The following HMGXB4 variants were observed in gnomAD, a reference collection of about 807,000 sequenced individuals.
HMGXB4 encodes the protein HMG domain-containing protein 4.
A neutral mutation model predicts 63.9 loss-of-function variants in HMGXB4; 27 were observed. The ratio of observed to expected loss-of-function variants is 0.42; its 90% CI spans 0.31 to 0.58. The LOEUF (loss-of-function observed/expected upper bound fraction) is 0.58, where lower values mean the gene tolerates loss of function less well. HMGXB4 is among the 20% of genes least tolerant of loss of function. The probability of loss-of-function intolerance (pLI) is 0.13; values close to 1 mark genes in which losing one functional copy is unlikely to be tolerated. For missense variants in HMGXB4, 624 were observed against 700.7 expected (o/e 0.89, Z 1.24); for synonymous variants, 264 against 265.3 (o/e 0.99, Z 0.05).
intron 4 of HMGXB4, 25 bp downstream of exon 4, chr22:35,263,899 T>C: frequency 6.2e-7 from 1 of 1,606,216 alleles, no homozygotes; most frequent in South Asian, 1.1e-5. Flanking sequence ...GGGCAACAGG[T>C]GGGATAAACA....
upstream of HMGXB4, among the ~76,000 whole-genome samples, chr22:35,256,760 C>T (rs1210672311): frequency 1.3e-5 from 2 of 152,182 alleles, no homozygotes; most frequent in African/African-American, 2.4e-5. Context: ...CTCAGCCTCC[C>T]AAAGTGCTGG....
At chr22:35,293,422 G>A in intron 10 of HMGXB4, among the ~76,000 whole-genome samples, 185 bp from the exon 11 acceptor site, 1 of 152,120 alleles carries the variant, frequency 6.6e-6, no homozygotes, top group South Asian at 2.1e-4. Context: ...TCTTTTTTAC[G>A]AGGATTAATG....
At chr22:35,292,116 C>G (rs984805154) in intron 9 of HMGXB4, among the ~76,000 whole-genome samples, 2 of 152,280 alleles carry the variant, frequency 1.3e-5, no homozygotes, top group Admixed American at 1.3e-4. Context: ...GCCAGAAATG[C>G]AGTTTTGAAG....
At chr22:35,248,805 C>T in the HMGXB4 span, among the ~76,000 whole-genome samples, 2,634 of 152,240 alleles carry the variant, frequency 0.017, 33 homozygotes, top group Non-Finnish European at 0.026. Context: ...AAGGATCCCC[C>T]CCCATGATCC....
At chr22:35,282,784 C>CTT (rs947882426) in intron 5 of HMGXB4, among the ~76,000 whole-genome samples, 5 of 152,132 alleles carry the variant, frequency 3.3e-5, no homozygotes, top group African/African-American at 1.2e-4. Context: ...TACAGTTTCT[C>CTT]TGACTTTATT....
rs1393876406 is a variant in HMGXB4 at position 35,265,514 on chromosome 22, C to G, written c.1126C>G (p.Leu376Val). 1 of 1,613,810 alleles carries G rather than the reference C, an allele frequency of 6.2e-7. No homozygotes were observed. Among genetic ancestry groups the G allele is most frequent in the Non-Finnish European group, 8.5e-7 (1 of 1,179,966 alleles). The change falls in exon 5 of 11, where the codon CTG becomes GTG. Residue 376 changes from leucine to valine, a missense_variant. Physicochemically the swap from Leu to Val is conservative, Grantham distance 32 (BLOSUM62 1). This residue lies in a region of HMGXB4 where 472 missense variants were observed against 470.6 expected (regional missense o/e 1.00). Coordinates refer to ENST00000216106, the MANE Select transcript of HMGXB4 (RefSeq NM_001003681.3). ...IPYAGAAAPP[L>V]PLPGLHTDGH... ...ATACGCTGGAGCAGCAGCACCTCCC[C>G]TGCCACTTCCTGGCCTCCACACAGA...
chr22:35,247,562 C>G, the HMGXB4 span, among the ~76,000 whole-genome samples: 1 of 152,176 alleles, frequency 6.6e-6, no homozygotes, highest in Non-Finnish European at 1.5e-5. Flanking sequence ...AAACTCCCCA[C>G]TCCATCTCCT....
chr22:35,243,362 C>T, the HMGXB4 span, among the ~76,000 whole-genome samples: 1 of 151,922 alleles, frequency 6.6e-6, no homozygotes, highest in Non-Finnish European at 1.5e-5. Flanking sequence ...AAGAAAGAAA[C>T]TCAGTCTAAA....
At chr22:35,251,416 C>T in the HMGXB4 span, among the ~76,000 whole-genome samples, 15 of 152,202 alleles carry the variant, frequency 9.9e-5, no homozygotes, top group Admixed American at 3.9e-4. Flanking sequence ...CATCTGCCTC[C>T]TCTGAGTCCC....
chr22:35,293,588 A>G lies in HMGXB4; in HGVS notation c.1762-19A>G. The stretch of plus-strand genomic sequence containing the variant: ...AAGGTACAGTACTCTTCAGTTGAAC[A>G]TTTTTCTTTGTTTTGCAGTCAAACA... On this transcript the variant is annotated intron_variant, in intron 10 of 10. Transcript: ENST00000216106. 1.3e-6 allele frequency: 2 copies of G among 1,591,030 alleles called. No homozygotes were observed. Among genetic ancestry groups the G allele is most frequent in the Non-Finnish European group, 1.7e-6 (2 of 1,159,214 alleles).
Position 35,293,636 on chromosome 22 carries a change from C to G in HMGXB4, c.1791C>G (p.Ile597Met), listed in dbSNP as rs1461161482. 2 of 1,611,742 alleles carry G rather than the reference C, an allele frequency of 1.2e-6. No homozygotes were observed. Among genetic ancestry groups the G allele is most frequent in the Non-Finnish European group, 1.7e-6 (2 of 1,177,910 alleles). ...ACACATTAGACAACATTGCTTACAT[C>G]ATGCCGGGACTGTGACAGCAAAGAA... is the stretch of plus-strand genomic sequence containing the variant. ...LSNTLDNIAYIMPGL is the reference protein window; with the variant it reads ...LSNTLDNIAYMMPGL Residue 597 changes from isoleucine (I) to methionine (M), a missense_variant, in exon 11 of 11, where the codon ATC (isoleucine) becomes ATG (methionine). Ile to Met is a conservative substitution (Grantham distance 10). Transcript: ENST00000216106.
upstream of HMGXB4, among the ~76,000 whole-genome samples, chr22:35,253,819 T>C (rs1314258667): frequency 3.9e-5 from 6 of 152,164 alleles, no homozygotes; most frequent in Admixed American, 3.3e-4. Flanking sequence ...TCTCTGGCTC[T>C]GAGTAGTTTT....
intron 6 of HMGXB4, among the ~76,000 whole-genome samples, 167 bp from the exon 7 acceptor site, chr22:35,285,829 GA>G (rs953408274): frequency 4.9e-4 from 75 of 152,272 alleles, no homozygotes; most frequent in African/African-American, 1.4e-3. Flanking sequence ...CTTCCCTATA[GA>G]AAAAAATCAA....
chr22:35,272,008 A>G (rs988687615), intron 5 of HMGXB4, among the ~76,000 whole-genome samples: 5 of 152,232 alleles, frequency 3.3e-5, no homozygotes, highest in African/African-American at 9.6e-5. Context: ...TCTCAGTGGC[A>G]ATGGAAGTTC....
chr22:35,281,436 T>C (rs1924239193), intron 5 of HMGXB4, among the ~76,000 whole-genome samples: 1 of 152,182 alleles, frequency 6.6e-6, no homozygotes, highest in Non-Finnish European at 1.5e-5. Context: ...TTTATAAGAG[T>C]TATGAAGGAA....
At chr22:35,282,786 G>A (rs1185720563) in intron 5 of HMGXB4, among the ~76,000 whole-genome samples, 1 of 152,028 alleles carries the variant, frequency 6.6e-6, no homozygotes, top group Non-Finnish European at 1.5e-5. Context: ...CAGTTTCTCT[G>A]ACTTTATTTT....
rs1925192662 is a variant in HMGXB4, at chr22:35,295,202, T to G, written c.*1551T>G. On this transcript the variant is annotated 3_prime_UTR_variant, in exon 11 of 11. Transcript: ENST00000216106. Reference sequence around the variant, plus strand: ...TTGGGGACAGTGTAGCCCATCTGCATCCTATTTAATTTCTTCCCTTCTCCC... The same window carrying G: ...TTGGGGACAGTGTAGCCCATCTGCAGCCTATTTAATTTCTTCCCTTCTCCC... The G allele has an allele frequency of 6.6e-6, 1 of 152,264 alleles. No homozygotes were observed. The highest frequency in any genetic ancestry group is 2.1e-4 in the South Asian group (1 of 4,830). 9.4% of individuals were successfully genotyped at this position (152,264 alleles called of 1,614,324 possible).
chr22:35,291,292 G>A (rs1332367031), intron 9 of HMGXB4, among the ~76,000 whole-genome samples: 1 of 149,240 alleles, frequency 6.7e-6, no homozygotes, highest in Non-Finnish European at 1.5e-5. Context: ...AAAATTGTGC[G>A]TGTGTGTGGC....
intron 4 of HMGXB4, chr22:35,264,184 C>G (rs1923045870): frequency 1.3e-6 from 1 of 760,890 alleles, no homozygotes; most frequent in Non-Finnish European, 2.1e-6. Context: ...GTCCTCTGGC[C>G]TGCACCTGTG....
Sources: gnomAD v4.1 joint callset for allele counts (sites outside exome capture counted in the v4.1 genomes callset) on GRCh38, gnomAD v4.1.1 for gene constraint, gnomAD v4.1.1 regional missense constraint, MANE v1.5 for transcripts, NCBI Gene and HGNC (gene_info 2026-07-23, HGNC 2026-07-21) for gene names.